Variants in C1GALT1 observed in about 807,000 individuals in gnomAD.
C1GALT1 encodes glycoprotein-N-acetylgalactosamine 3-beta-galactosyltransferase 1.
A neutral mutation model predicts 31.0 loss-of-function variants in C1GALT1; 11 were observed. That is an observed-to-expected ratio of 0.36 (90% CI 0.22 to 0.59). The LOEUF is 0.59. C1GALT1 is among the 20% of genes least tolerant of loss of function. C1GALT1 has a pLI of 0.79. For synonymous variants in C1GALT1, 175 were observed against 143.6 expected (o/e 1.22, Z -1.56); for missense variants, 424 against 425.2 (o/e 1.00, Z 0.03).
At chr7:7,191,786 G>C (rs904486483) in intron 1 of C1GALT1, among the ~76,000 whole-genome samples, 8 of 151,968 alleles carry the variant, frequency 5.3e-5, no homozygotes, top group African/African-American at 1.9e-4. Context: ...GGAGAAATGT[G>C]TATTTGAGTC....
At chr7:7,182,996 G>A (rs539777938) in intron 1 of C1GALT1, among the ~76,000 whole-genome samples, 176 bp downstream of exon 1, 2 of 152,234 alleles carry the variant, frequency 1.3e-5, no homozygotes, top group Admixed American at 6.5e-5. Flanking sequence ...TGAGGAAGGC[G>A]CGAGGACTTC....
chr7:7,212,156 A>G (rs911183033), intron 1 of C1GALT1, among the ~76,000 whole-genome samples: 1 of 152,182 alleles, frequency 6.6e-6, no homozygotes, highest in African/African-American at 2.4e-5. Flanking sequence ...TCTATCCTCA[A>G]ATACCTGTGA....
chr7:7,219,793 A>T (rs1468194396), intron 1 of C1GALT1, among the ~76,000 whole-genome samples: 1 of 152,282 alleles, frequency 6.6e-6, no homozygotes, highest in Admixed American at 6.5e-5. Flanking sequence ...TTTTAAGCAC[A>T]TAATTGTAAT....
intron 1 of C1GALT1, among the ~76,000 whole-genome samples, chr7:7,229,447 C>G (rs17251749): frequency 0.15 from 22,961 of 152,066 alleles, 2,143 homozygotes; most frequent in Middle Eastern, 0.28. Flanking sequence ...ATTTACTTCT[C>G]TTGGCTTCAT....
At chr7:7,193,548 G>C (rs192379001) in intron 1 of C1GALT1, among the ~76,000 whole-genome samples, 1 of 152,092 alleles carries the variant, frequency 6.6e-6, no homozygotes, top group Admixed American at 6.5e-5. Flanking sequence ...ATGCTGTTTC[G>C]GTAACTATAG....
chr7:7,170,465 T>C (rs1780441376), intron 2 of C1GALT1, among the ~76,000 whole-genome samples: 1 of 152,240 alleles, frequency 6.6e-6, no homozygotes. Flanking sequence ...TTTTAATATA[T>C]GTGTTTTAGT....
At chr7:7,239,870 T>C (rs138577310) in intron 3 of C1GALT1, among the ~76,000 whole-genome samples, 2 of 152,286 alleles carry the variant, frequency 1.3e-5, no homozygotes, top group African/African-American at 4.8e-5. Context: ...TCACACAACA[T>C]TGAGATTTAT....
At chr7:7,221,944 A>C (rs1039575857) in intron 1 of C1GALT1, among the ~76,000 whole-genome samples, 3 of 152,148 alleles carry the variant, frequency 2.0e-5, no homozygotes, top group Admixed American at 2.0e-4. Flanking sequence ...GATATGAGTA[A>C]ACTCTGAGGT....
chr7:7,226,196 A>G (rs371872279), intron 1 of C1GALT1, among the ~76,000 whole-genome samples: 2 of 151,768 alleles, frequency 1.3e-5, no homozygotes, highest in East Asian at 3.9e-4. Context: ...CACTTTCATA[A>G]GGAAAATCTT....
At chr7:7,181,669 G>C (rs888798081), upstream of C1GALT1, among the ~76,000 whole-genome samples, 1 of 152,172 alleles carries the variant, frequency 6.6e-6, no homozygotes, top group East Asian at 1.9e-4. Context: ...GCCAGCCCGG[G>C]CAGTCTGATT....
At chr7:7,197,483 C>G (rs905917082) in intron 1 of C1GALT1, among the ~76,000 whole-genome samples, 7 of 152,158 alleles carry the variant, frequency 4.6e-5, no homozygotes, top group Non-Finnish European at 1.0e-4. Flanking sequence ...CATGATGCCT[C>G]CAGCTTTGTT....
intron 1 of C1GALT1, among the ~76,000 whole-genome samples, chr7:7,203,539 A>G (rs919293480): frequency 6.6e-6 from 1 of 152,106 alleles, no homozygotes; most frequent in Non-Finnish European, 1.5e-5. Flanking sequence ...GCATTCCAGG[A>G]TAAATCCCAC....
chr7:7,225,413 T>C (rs1251176411), intron 1 of C1GALT1, among the ~76,000 whole-genome samples: 2 of 152,200 alleles, frequency 1.3e-5, no homozygotes, highest in African/African-American at 4.8e-5. Context: ...TTGAAAATAA[T>C]TTTTGAGCTT....
At chr7:7,177,505 T>C (rs1780517109) in intron 2 of C1GALT1, among the ~76,000 whole-genome samples, 1 of 152,194 alleles carries the variant, frequency 6.6e-6, no homozygotes, top group Admixed American at 6.5e-5. Context: ...GGAGCAGATA[T>C]ACTCAGCCAC....
chr7:7,197,135 G>A (rs1377971246), intron 1 of C1GALT1, among the ~76,000 whole-genome samples: 10 of 152,160 alleles, frequency 6.6e-5, no homozygotes, highest in African/African-American at 2.2e-4. Flanking sequence ...GGCCTGAATG[G>A]TATTGCCTAG....
chr7:7,190,691 A>G (rs535007595), intron 1 of C1GALT1, among the ~76,000 whole-genome samples: 51 of 152,098 alleles, frequency 3.4e-4, no homozygotes, highest in Non-Finnish European at 5.9e-4. Context: ...ATTTTTCCAG[A>G]TAACATTTAG....
At chr7:7,206,343 G>A (rs188087586) in intron 1 of C1GALT1, among the ~76,000 whole-genome samples, 8 of 151,358 alleles carry the variant, frequency 5.3e-5, no homozygotes, top group African/African-American at 1.2e-4. Flanking sequence ...CTTTTGTTTC[G>A]ACTGGGAGAA....
intron 2 of C1GALT1, among the ~76,000 whole-genome samples, chr7:7,169,244 T>G (rs1166975330): frequency 6.6e-6 from 1 of 152,238 alleles, no homozygotes; most frequent in African/African-American, 2.4e-5. Context: ...ATATTTTGTT[T>G]ATCCATTTCT....
At chr7:7,214,760 T>G (rs1010992188) in intron 1 of C1GALT1, among the ~76,000 whole-genome samples, 1 of 152,166 alleles carries the variant, frequency 6.6e-6, no homozygotes, top group Admixed American at 6.5e-5. Context: ...GAACAAACTT[T>G]CGGAGAAGCC....
Sources: allele counts gnomAD v4.1 joint callset (sites outside exome capture counted in the v4.1 genomes callset), GRCh38; gene constraint gnomAD v4.1.1; transcripts MANE v1.5; gene names NCBI Gene and HGNC (gene_info 2026-07-23, HGNC 2026-07-21).